Variants in RBM11 observed in about 807,000 individuals in gnomAD.
The protein encoded by RBM11 is splicing regulator RBM11.
In RBM11, 18 loss-of-function variants were observed where a neutral mutation model predicts 21.4. That is an observed-to-expected ratio of 0.84 (90% CI 0.58 to 1.25). RBM11 has a LOEUF of 1.25. RBM11 is among the 50% of genes most tolerant of loss of function. The probability of loss-of-function intolerance (pLI) is 0.00; values close to 1 mark genes in which losing one functional copy is unlikely to be tolerated. For missense variants in RBM11, 294 were observed against 331.9 expected, an observed-to-expected ratio of 0.89 and a Z score of 0.89; for synonymous variants, 120 against 116.3, an observed-to-expected ratio of 1.03 and a Z score of -0.20.
At chr21:14,225,737 C>T (rs990733288) in intron 4 of RBM11, among the ~76,000 whole-genome samples, 4 of 151,944 alleles carry the variant, frequency 2.6e-5, no homozygotes, top group African/African-American at 7.2e-5. Flanking sequence ...TAAATGTCTT[C>T]ATCGAAGCAT....
At chr21:14,223,981 G>T (rs910118915) in intron 3 of RBM11, among the ~76,000 whole-genome samples, 3 of 152,070 alleles carry the variant, frequency 2.0e-5, no homozygotes, top group African/African-American at 7.2e-5. Context: ...TCTCCAGCCT[G>T]AAGAACCATG....
intron 3 of RBM11, among the ~76,000 whole-genome samples, chr21:14,221,771 T>C (rs186457589): frequency 1.1e-4 from 16 of 152,286 alleles, no homozygotes; most frequent in Admixed American, 7.2e-4. Context: ...AATTACAGCT[T>C]TTGTTACATC....
In RBM11 at chr21:14,226,894, TA is replaced by T; in HGVS notation, c.449del (p.Asn150IlefsTer11). The T allele has an allele frequency of 6.2e-7, 1 of 1,612,674 alleles. No homozygotes were observed. The highest frequency in any genetic ancestry group is 8.5e-7 in the Non-Finnish European group (1 of 1,179,190). On this transcript the variant is annotated frameshift_variant, in exon 5 of 5. Transcript: ENST00000400577. LOFTEE classifies it low-confidence loss of function (END_TRUNC). ...LFQKMQWHVYNPVLQLPYYEM... is the reference protein window; with the variant it reads ...LFQKMQWHVYXPVLQLPYYEM... ...TGTTTTCACAGCAGTGGCATGTGTA[TA>T]ATCCAGTGCTGCAGCTTCCTTACTA...
chr21:14,222,590 A>G (rs1476030770), intron 3 of RBM11, among the ~76,000 whole-genome samples: 1 of 152,168 alleles, frequency 6.6e-6, no homozygotes, highest in Non-Finnish European at 1.5e-5. Flanking sequence ...TCATTCACCC[A>G]ACATTTCTAC....
At chr21:14,222,694 GT>G (rs1372172077) in intron 3 of RBM11, among the ~76,000 whole-genome samples, 1 of 152,178 alleles carries the variant, frequency 6.6e-6, no homozygotes, top group African/African-American at 2.4e-5. Context: ...TCAATTAACA[GT>G]TTATTAACAG....
chr21:14,221,412 A>T (rs1600959994), intron 3 of RBM11: 2 of 336,064 alleles, frequency 6.0e-6, no homozygotes, highest in Non-Finnish European at 1.0e-5. Context: ...AGTTTTCTAC[A>T]TGCTTTTCAT....
chr21:14,224,356 G>A, intron 3 of RBM11, 82 bp from the exon 4 acceptor site: 2 of 1,484,436 alleles, frequency 1.3e-6, no homozygotes, highest in Non-Finnish European at 8.9e-7. Flanking sequence ...CCTGAGGAAA[G>A]ATAGTGGTTT....
At chr21:14,218,670 AT>A (rs1978405034) in intron 1 of RBM11, among the ~76,000 whole-genome samples, 1 of 152,142 alleles carries the variant, frequency 6.6e-6, no homozygotes, top group Non-Finnish European at 1.5e-5. Flanking sequence ...AGTAAAAGCA[AT>A]TTTTTTATTT....
At chr21:14,224,783 G>A (rs756915042) in intron 4 of RBM11, among the ~76,000 whole-genome samples, 2 of 152,220 alleles carry the variant, frequency 1.3e-5, no homozygotes, top group East Asian at 1.9e-4. Flanking sequence ...TGCAGTCCAA[G>A]TGAAATTTGA....
In RBM11 at chr21:14,227,815, C is replaced by T. The variant is rs1979241636; in HGVS notation, c.*522C>T. ...AAATATGTTGTTTCTGAGCCATATT[C>T]TTCTTCAGGTTTATTTTATAAAGTG... On this transcript the variant is annotated 3_prime_UTR_variant, in exon 5 of 5. Coordinates refer to ENST00000400577, the MANE Select transcript of RBM11 (RefSeq NM_144770.5). 1 of 152,872 alleles carries T rather than the reference C, an allele frequency of 6.5e-6. No homozygotes were observed. The highest frequency in any genetic ancestry group is 1.5e-5 in the Non-Finnish European group (1 of 68,598). The allele number at this position is 152,872 out of a possible 1,614,324, so 9.5% of individuals were successfully genotyped here. A position where few individuals can be genotyped will look rare whatever the true frequency, so the allele number is the denominator to read the frequency against.
At chr21:14,219,367 TA>T (rs2123391636) in intron 1 of RBM11, among the ~76,000 whole-genome samples, 195 bp from the exon 2 acceptor site, 1 of 152,296 alleles carries the variant, frequency 6.6e-6, no homozygotes, top group South Asian at 2.1e-4. Context: ...TAACACCATG[TA>T]TGTTTCCCCA....
chr21:14,219,603 A>G lies in RBM11; in HGVS notation c.137A>G (p.Glu46Gly), dbSNP rs1294411647. 6.3e-7 allele frequency: 1 copy of G among 1,591,004 alleles called. No homozygotes were observed. Among genetic ancestry groups the G allele is most frequent in the Non-Finnish European group, 8.6e-7 (1 of 1,164,718 alleles). ...AAAGTGACTATATGCAAAGACAGAG[A>G]AGGAAAGCCAAAGTCTTTTGGATTT... ...LTKVTICKDREGKPKSFGFVC... is the reference protein window; with the variant it reads ...LTKVTICKDRGGKPKSFGFVC... Residue 46 changes from glutamate (E) to glycine (G), a missense_variant, in exon 2 of 5, where the codon GAA becomes GGA. Physicochemically the swap from Glu to Gly is moderately conservative, Grantham distance 98. Around this residue, in one of 2 missense-constraint regions of RBM11, gnomAD observed 181 missense variants for 164.6 expected, o/e 1.10. Coordinates refer to ENST00000400577, the MANE Select transcript of RBM11 (RefSeq NM_144770.5).
At chr21:14,218,034 G>T (rs903287585) in intron 1 of RBM11, among the ~76,000 whole-genome samples, 1 of 152,094 alleles carries the variant, frequency 6.6e-6, no homozygotes, top group Non-Finnish European at 1.5e-5. Context: ...GTATTGAAAG[G>T]AATTGCCAAA....
intron 2 of RBM11, among the ~76,000 whole-genome samples, chr21:14,220,370 T>C (rs1465811478): frequency 6.6e-6 from 1 of 152,186 alleles, no homozygotes; most frequent in African/African-American, 2.4e-5. Flanking sequence ...AGGAGACTAA[T>C]AGAGGCCATC....
intron 3 of RBM11, among the ~76,000 whole-genome samples, chr21:14,223,249 G>A (rs1351800909): frequency 6.6e-6 from 1 of 152,128 alleles, no homozygotes; most frequent in African/African-American, 2.4e-5. Context: ...TATAAAATGG[G>A]TTATCATGTC....
At position 14,221,032 on chromosome 21, in the gene RBM11, G is replaced by T. The variant is rs536974003; in HGVS notation, c.260-65G>T. On this transcript the variant is annotated intron_variant, in intron 2 of 4. Transcript: ENST00000400577. ...CTAAAATATTTTGAGTCATTTTATGGTTTAATATTACAACTCAAAAAAAAA... is the reference window on the plus strand; with the variant it reads ...CTAAAATATTTTGAGTCATTTTATGTTTTAATATTACAACTCAAAAAAAAA... The T allele has an allele frequency of 7.4e-4, 1,085 of 1,460,594 alleles. 5 individuals are homozygous for T. The African/African-American group carries it at 0.013, about 18-fold the overall frequency. 90.5% of individuals were successfully genotyped at this position (1,460,594 alleles called of 1,614,324 possible).
chr21:14,222,230 ATATC>A (rs1333887265), intron 3 of RBM11, among the ~76,000 whole-genome samples: 3 of 152,074 alleles, frequency 2.0e-5, no homozygotes, highest in Non-Finnish European at 1.5e-5. Context: ...ATAGAGATCT[ATATC>A]TATATATAGA....
rs145620134 is a variant in RBM11, at chr21:14,224,777, G to A, written c.432+240G>A. Among the ~76,000 whole-genome samples the A allele has an allele frequency of 9.1e-4, 139 of 152,322 alleles. 1 individual carries two copies. Among genetic ancestry groups the A allele is most frequent in the African/African-American group, 3.0e-3 (123 of 41,572 alleles). On this transcript the variant is annotated intron_variant, in intron 4 of 4. Transcript: ENST00000400577. ...TGGACGGCAGTGACGACATACTGCA[G>A]TCCAAGTGAAATTTGAGTAGAGAGT...
At chr21:14,218,703 T>C (rs901644211) in intron 1 of RBM11, among the ~76,000 whole-genome samples, 10 of 152,186 alleles carry the variant, frequency 6.6e-5, no homozygotes, top group African/African-American at 2.4e-4. Context: ...CAGGGAAAAA[T>C]AATCAGTTAT....
Sources: allele counts gnomAD v4.1 joint callset (sites outside exome capture counted in the v4.1 genomes callset), GRCh38; gene constraint gnomAD v4.1.1; regional missense constraint gnomAD v4.1.1; transcripts MANE v1.5; gene names NCBI Gene and HGNC (gene_info 2026-07-23, HGNC 2026-07-21).